Variants in TRHDE observed in about 807,000 individuals in gnomAD.
TRHDE encodes the protein thyrotropin-releasing hormone-degrading ectoenzyme.
Under a neutral mutation model 125.7 loss-of-function variants are expected in TRHDE, and 72 were observed. The observed-to-expected ratio is 0.57, with a 90% CI of 0.47 to 0.70. The LOEUF (loss-of-function observed/expected upper bound fraction) is 0.70, where lower values mean the gene tolerates loss of function less well. Ranked by LOEUF, TRHDE falls within the 30% of genes least tolerant of loss-of-function variation. The probability of loss-of-function intolerance (pLI) is 0.00; values close to 1 mark genes in which losing one functional copy is unlikely to be tolerated. For synonymous variants in TRHDE, 509 were observed against 509.1 expected (o/e 1.00, Z 0.00); for missense variants, 1,110 against 1,327.1 (o/e 0.84, Z 2.54).
In TRHDE at chr12:72,533,176, C is replaced by CT. The variant is rs894956746; in HGVS notation, c.1723-9104dup. On this transcript the variant is annotated intron_variant, in intron 6 of 18. Coordinates refer to ENST00000261180, the MANE Select transcript of TRHDE (RefSeq NM_013381.3). ...TGACATTATGATTTTAGAGAAAATT[C>CT]TTTTTTTTTTTGTTTGAGATGGAGT... 2.9e-3 allele frequency among the ~76,000 whole-genome samples: 416 copies of CT among 144,876 alleles called. 2 individuals are homozygous for CT. The highest frequency in any genetic ancestry group is 9.2e-3 in the African/African-American group (365 of 39,784).
chr12:72,614,615 C>A (rs1872749620), intron 12 of TRHDE, among the ~76,000 whole-genome samples: 1 of 151,940 alleles, frequency 6.6e-6, no homozygotes, highest in Admixed American at 6.6e-5. Flanking sequence ...ATGTAGGAGA[C>A]TATTTTTTGG....
intron 2 of TRHDE, among the ~76,000 whole-genome samples, chr12:72,133,010 T>C (rs937581412): frequency 6.6e-6 from 1 of 152,008 alleles, no homozygotes; most frequent in Non-Finnish European, 1.5e-5. Flanking sequence ...AGAGAGGACA[T>C]GGTGGAGGCA....
chr12:72,334,244 C>T (rs956830256), intron 2 of TRHDE, among the ~76,000 whole-genome samples: 5 of 152,140 alleles, frequency 3.3e-5, no homozygotes, highest in African/African-American at 1.2e-4. Flanking sequence ...TAGATCTTTC[C>T]TTTCTTGCCA....
At chr12:72,344,281 A>G (rs11179163) in intron 2 of TRHDE, among the ~76,000 whole-genome samples, 18,810 of 152,154 alleles carry the variant, frequency 0.12, 1,744 homozygotes, top group East Asian at 0.46. Context: ...GGTAAAGTGT[A>G]CAAGGATTAA....
intron 12 of TRHDE, among the ~76,000 whole-genome samples, chr12:72,592,951 G>A (rs1293451966): frequency 1.3e-5 from 2 of 152,096 alleles, no homozygotes; most frequent in Non-Finnish European, 2.9e-5. Flanking sequence ...GACCTCAGGC[G>A]ATCCACCAGC....
intron 3 of TRHDE, among the ~76,000 whole-genome samples, chr12:72,446,308 T>C (rs1175053213): frequency 1.3e-5 from 2 of 151,762 alleles, no homozygotes; most frequent in African/African-American, 4.8e-5. Context: ...CCCTTCCCTC[T>C]GAGAGATTTT....
intron 6 of TRHDE, among the ~76,000 whole-genome samples, chr12:72,526,536 C>T (rs746509539): frequency 6.6e-5 from 10 of 152,114 alleles, no homozygotes; most frequent in Non-Finnish European, 1.3e-4. Flanking sequence ...ATTCTGTAAA[C>T]ATAAATATGC....
intron 2 of TRHDE, among the ~76,000 whole-genome samples, chr12:72,176,935 A>G (rs2139338953): frequency 6.6e-6 from 1 of 152,308 alleles, no homozygotes; most frequent in Non-Finnish European, 1.5e-5. Flanking sequence ...TAAATAATGG[A>G]AAATAAAAAG....
chr12:72,582,195 A>C, intron 12 of TRHDE: 1 of 958,262 alleles, frequency 1.0e-6, no homozygotes, highest in Non-Finnish European at 1.2e-6. Context: ...ATAAGTTAAA[A>C]AATAATACGC....
intron 2 of TRHDE, among the ~76,000 whole-genome samples, chr12:72,339,364 T>C (rs4303275): frequency 0.69 from 105,511 of 152,098 alleles, 37,020 homozygotes; most frequent in Non-Finnish European, 0.75. Flanking sequence ...AATGAAGTAT[T>C]ATTTCTTATC....
Position 72,621,657 on chromosome 12 carries a change from G to C in TRHDE, c.2581G>C (p.Glu861Gln), listed in dbSNP as rs781601069. Residue 861 changes from glutamate (E) to glutamine (Q), a missense_variant, in exon 15 of 19, where the codon GAA becomes CAA. By Grantham distance (29) the Glu-to-Gln change is conservative (BLOSUM62 2). Around this residue, in one of 5 missense-constraint regions of TRHDE, gnomAD observed 527 missense variants for 651.8 expected, o/e 0.81. Transcript: ENST00000261180. Reference protein sequence around the residue: ...ASYQHEELRREVIMLACSFGN... With the variant: ...ASYQHEELRRQVIMLACSFGN... The stretch of plus-strand genomic sequence containing the variant: ...GATGATATCTAGAGAACTACGTAGA[G>C]AAGTTATAATGCTGGCCTGCAGTTT... 6.2e-7 allele frequency: 1 copy of C among 1,606,568 alleles called. No homozygotes were observed. The highest frequency in any genetic ancestry group is 2.3e-5 in the East Asian group (1 of 44,412).
Position 72,663,860 on chromosome 12 carries a change from G to C in TRHDE, c.*665G>C, listed in dbSNP as rs1875014344. On this transcript the variant is annotated 3_prime_UTR_variant, in exon 19 of 19. Transcript: ENST00000261180. ...ATACATTTTAAAAGGCATATAGATA[G>C]TGTATGCATATGTATATGTACATAG... 6.6e-6 allele frequency: 1 copy of C among 152,072 alleles called. No homozygotes were observed. Among genetic ancestry groups the C allele is most frequent in the Non-Finnish European group, 1.5e-5 (1 of 67,994 alleles). The allele number at this position is 152,072 out of a possible 1,614,324, so 9.4% of individuals were successfully genotyped here.
In TRHDE at chr12:72,272,836, G is replaced by A; in HGVS notation, c.193G>A (p.Ala65Thr). Residue 65 changes from alanine to threonine, a missense_variant, in exon 1 of 19, where the codon GCA becomes ACA. Physicochemically the swap from Ala to Thr is moderately conservative, Grantham distance 58. This residue lies in a region of TRHDE where 248 missense variants were observed against 240.8 expected (regional missense o/e 1.03). Coordinates refer to ENST00000261180, the MANE Select transcript of TRHDE (RefSeq NM_013381.3). This position sits in a 1 kb window ranked among gnomAD's most constrained non-coding sequence, Gnocchi z 6.7. Reference protein sequence around the residue: ...AGSRGLSDPWADSVGVRPRTT... With the variant: ...AGSRGLSDPWTDSVGVRPRTT... ...CAGCAGGGGGCTCTCCGACCCGTGG[G>A]CAGACTCAGTGGGAGTGCGACCCCG... The A allele has an allele frequency of 1.3e-6, 2 of 1,581,344 alleles. No individual in the cohort carries two copies. Among genetic ancestry groups the A allele is most frequent in the Admixed American group, 1.7e-5 (1 of 58,412 alleles).
chr12:72,282,789 C>T (rs1375248998), intron 1 of TRHDE, among the ~76,000 whole-genome samples: 1 of 152,182 alleles, frequency 6.6e-6, no homozygotes, highest in African/African-American at 2.4e-5. Context: ...CTTTCTTCTT[C>T]ATAAATACTT....
chr12:72,312,257 TC>T (rs1301786461), intron 2 of TRHDE, among the ~76,000 whole-genome samples: 1 of 152,180 alleles, frequency 6.6e-6, no homozygotes, highest in Non-Finnish European at 1.5e-5. Flanking sequence ...TTCAGTGTCG[TC>T]CCTTATGCTC....
chr12:72,183,401 T>C (rs1387601346), intron 2 of TRHDE, among the ~76,000 whole-genome samples: 1 of 152,218 alleles, frequency 6.6e-6, no homozygotes, highest in Non-Finnish European at 1.5e-5. Context: ...TCTCGAACAC[T>C]AGTTCATGTG....
At chr12:72,362,499 C>A (rs866286456) in intron 2 of TRHDE, among the ~76,000 whole-genome samples, 1,543 of 152,042 alleles carry the variant, frequency 0.01, 27 homozygotes, top group African/African-American at 0.034. Context: ...AAATTTTTCT[C>A]CCATTTTGTA....
intron 7 of TRHDE, among the ~76,000 whole-genome samples, chr12:72,553,550 A>T (rs1280442656): frequency 6.6e-6 from 1 of 152,066 alleles, no homozygotes; most frequent in Non-Finnish European, 1.5e-5. Context: ...TGAACTGCCC[A>T]TCAGGGGTCT....
At chr12:72,327,811 A>T (rs746197324) in intron 2 of TRHDE, among the ~76,000 whole-genome samples, 16 of 151,000 alleles carry the variant, frequency 1.1e-4, no homozygotes, top group African/African-American at 2.4e-5. Context: ...TACATATCAG[A>T]CTGTAAATGT....
Sources: allele counts gnomAD v4.1 joint callset (sites outside exome capture counted in the v4.1 genomes callset), GRCh38; gene constraint gnomAD v4.1.1; regional missense constraint gnomAD v4.1.1; non-coding constraint Gnocchi (gnomAD v3.1); transcripts MANE v1.5; gene names NCBI Gene and HGNC (gene_info 2026-07-23, HGNC 2026-07-21).